The following STX7 variants were observed in gnomAD, a reference collection of about 807,000 sequenced individuals.
The protein encoded by STX7 is syntaxin-7.
STX7 carries 34 observed loss-of-function variants against 39.6 expected under a neutral mutation model. The ratio of observed to expected loss-of-function variants is 0.86; its 90% CI spans 0.65 to 1.14. The LOEUF (loss-of-function observed/expected upper bound fraction) is 1.14. Among genes scored for constraint, STX7 ranks in the 50% most tolerant of loss-of-function variants. The pLI is 0.00. For synonymous variants in STX7, 119 were observed against 99.1 expected (o/e 1.20, Z -1.19); for missense variants, 284 against 310.4 (o/e 0.92, Z 0.64).
intron 2 of STX7, among the ~76,000 whole-genome samples, chr6:132,488,999 C>T (rs867660049): frequency 6.6e-6 from 1 of 151,960 alleles, no homozygotes; most frequent in African/African-American, 2.4e-5. Flanking sequence ...GCCAGGAGTT[C>T]GAGACCAACC....
intron 2 of STX7, among the ~76,000 whole-genome samples, chr6:132,495,084 A>T (rs1775390194): frequency 6.6e-6 from 1 of 152,206 alleles, no homozygotes; most frequent in African/African-American, 2.4e-5. Context: ...AAGAAAGTTC[A>T]TGTTCAGGGC....
chr6:132,471,373 A>G (rs771463025), intron 5 of STX7, 90 bp downstream of exon 5: 8 of 1,397,950 alleles, frequency 5.7e-6, no homozygotes, highest in Admixed American at 2.4e-5. Context: ...ACAGATCTTT[A>G]TGACTTAAAA....
At chr6:132,508,260 T>C (rs1356551267) in intron 1 of STX7, among the ~76,000 whole-genome samples, 11 of 152,230 alleles carry the variant, frequency 7.2e-5, no homozygotes, top group Non-Finnish European at 1.0e-4. Context: ...GACAGTATTC[T>C]ACAGCATTTT....
intron 2 of STX7, among the ~76,000 whole-genome samples, chr6:132,490,665 C>A (rs542415007): frequency 3.9e-5 from 6 of 152,236 alleles, no homozygotes; most frequent in Non-Finnish European, 8.8e-5. Flanking sequence ...GAGCTCCACA[C>A]TGTCACCAGC....
chr6:132,465,808 C>T (rs1211412593), intron 8 of STX7, among the ~76,000 whole-genome samples: 1 of 152,052 alleles, frequency 6.6e-6, no homozygotes, highest in Non-Finnish European at 1.5e-5. Flanking sequence ...AACTATATAC[C>T]CCGAGCAAGA....
At chr6:132,499,224 C>T (rs1018904749) in intron 2 of STX7, among the ~76,000 whole-genome samples, 1 of 152,314 alleles carries the variant, frequency 6.6e-6, no homozygotes, top group East Asian at 1.9e-4. Context: ...TTTCTTTGAT[C>T]CTCTTTCTAC....
At position 132,483,143 on chromosome 6, in the gene STX7, T is replaced by C. The variant is rs565918166; in HGVS notation, c.86-7481A>G. On this transcript the variant is annotated intron_variant, in intron 2 of 9. Transcript: ENST00000367941. The stretch of plus-strand genomic sequence containing the variant: ...GTCATCCTTCACTATCCCTAGAGGA[T>C]TGGTTCCATGCCTCCCTCCATCCAC... 8.5e-5 allele frequency among the ~76,000 whole-genome samples: 13 copies of C among 152,276 alleles called. No homozygotes were observed. The East Asian group carries it at 1.7e-3, about 20-fold the overall frequency.
intron 4 of STX7, 94 bp downstream of exon 4, chr6:132,472,171 GATTTCCTTTCTAGCATA>G (rs979355477): frequency 5.3e-6 from 4 of 752,042 alleles, no homozygotes; most frequent in Non-Finnish European, 6.3e-6. Flanking sequence ...AATTATTTTT[GATTTCCTTTCTAGCATA>G]ATTTCCTTTC....
chr6:132,500,665 T>C (rs1453098354), intron 2 of STX7, among the ~76,000 whole-genome samples: 3 of 152,242 alleles, frequency 2.0e-5, no homozygotes, highest in Non-Finnish European at 4.4e-5. Flanking sequence ...GCTACATTCC[T>C]ACAGTTTGGA....
chr6:132,452,541 T>G lies in STX7; in HGVS notation c.*8217A>C, dbSNP rs1442295699. On this transcript the variant is annotated 3_prime_UTR_variant, in exon 10 of 10. Transcript: ENST00000367941. ...ATGAGTAAGTGGGCTCAATAAGGTC[T>G]CAGTATACAAAATAGAAAAATTCAC... 6.6e-6 allele frequency: 1 copy of G among 152,098 alleles called. No homozygotes were observed. The highest frequency in any genetic ancestry group is 1.5e-5 in the Non-Finnish European group (1 of 67,960). The allele number at this position is 152,098 out of a possible 1,614,324, so 9.4% of individuals were successfully genotyped here. A position where few individuals can be genotyped will look rare whatever the true frequency, so the allele number is the denominator to read the frequency against.
chr6:132,452,001 T>C lies in STX7; in HGVS notation c.*8757A>G, dbSNP rs1279034960. 2 of 152,170 alleles carry C rather than the reference T, an allele frequency of 1.3e-5. No individual in the cohort carries two copies. The highest frequency in any genetic ancestry group is 2.9e-5 in the Non-Finnish European group (2 of 68,006). 9.4% of individuals were successfully genotyped at this position (152,170 alleles called of 1,614,324 possible). A position where few individuals can be genotyped will look rare whatever the true frequency, so the allele number is the denominator to read the frequency against. On this transcript the variant is annotated 3_prime_UTR_variant, in exon 10 of 10. Transcript: ENST00000367941. ...GATGCAAAAATCCTTAACAAAATAT[T>C]AGCCAAAAGAATTAAGCTATATATA...
At chr6:132,471,645 G>A in intron 4 of STX7, 45 bp from the exon 5 acceptor site, 1 of 1,596,412 alleles carries the variant, frequency 6.3e-7, no homozygotes. Context: ...TAGCTGTGAA[G>A]TTCAACTGAA....
chr6:132,450,230 G>T lies in STX7; in HGVS notation c.*10528C>A, dbSNP rs1774110208. 6.6e-6 allele frequency: 1 copy of T among 152,104 alleles called. No homozygotes were observed. The highest frequency in any genetic ancestry group is 1.5e-5 in the Non-Finnish European group (1 of 68,018). 9.4% of individuals were successfully genotyped at this position (152,104 alleles called of 1,614,324 possible). On this transcript the variant is annotated 3_prime_UTR_variant, in exon 10 of 10. Transcript: ENST00000367941. ...AAGAACTAACTGTATTTTAGCAGGA[G>T]GATCCTTGAGTATACCTAGTCAACC...
At chr6:132,481,880 G>GT (rs903148257) in intron 2 of STX7, among the ~76,000 whole-genome samples, 2 of 152,216 alleles carry the variant, frequency 1.3e-5, no homozygotes, top group African/African-American at 4.8e-5. Context: ...GGTGGCATTT[G>GT]TAATGGTTTG....
At chr6:132,476,463 T>C (rs1774877726) in intron 2 of STX7, among the ~76,000 whole-genome samples, 3 of 151,796 alleles carry the variant, frequency 2.0e-5, no homozygotes, top group Admixed American at 1.3e-4. Flanking sequence ...AAAAAAAAAG[T>C]TGACAAAGAC....
chr6:132,479,091 T>C (rs1173796738), intron 2 of STX7, among the ~76,000 whole-genome samples: 2 of 152,194 alleles, frequency 1.3e-5, no homozygotes, highest in African/African-American at 4.8e-5. Flanking sequence ...CAGTGTTTCC[T>C]CAGTGAAAAA....
chr6:132,501,347 C>A (rs1270488242), intron 2 of STX7, among the ~76,000 whole-genome samples: 1 of 152,272 alleles, frequency 6.6e-6, no homozygotes, highest in Non-Finnish European at 1.5e-5. Context: ...AGCCACCATG[C>A]CCTGCCAACA....
intron 2 of STX7, among the ~76,000 whole-genome samples, chr6:132,487,351 A>C (rs1409058465): frequency 6.6e-6 from 1 of 152,220 alleles, no homozygotes; most frequent in Non-Finnish European, 1.5e-5. Context: ...GCTGGAAACC[A>C]TCACTTTCAG....
At chr6:132,495,786 T>C (rs1017350765) in intron 2 of STX7, among the ~76,000 whole-genome samples, 39 of 152,186 alleles carry the variant, frequency 2.6e-4, no homozygotes, top group African/African-American at 9.2e-4. Flanking sequence ...CTCACACTTT[T>C]ACATAGACTT....
Sources: allele counts gnomAD v4.1 joint callset (sites outside exome capture counted in the v4.1 genomes callset), GRCh38; gene constraint gnomAD v4.1.1; transcripts MANE v1.5; gene names NCBI Gene and HGNC (gene_info 2026-07-23, HGNC 2026-07-21).